The following MCCC2 variants were observed in gnomAD, a reference collection of about 807,000 sequenced individuals.
The protein encoded by MCCC2 is methylcrotonoyl-CoA carboxylase beta chain, mitochondrial.
Under a neutral mutation model 77.2 loss-of-function variants are expected in MCCC2, and 52 were observed. That is an observed-to-expected ratio of 0.67 (90% CI 0.54 to 0.85). The LOEUF is 0.85. Ranked by LOEUF, MCCC2 falls within the 40% of genes least tolerant of loss-of-function variation. The pLI is 0.00. For synonymous variants in MCCC2, 253 were observed against 248.4 expected (o/e 1.02, Z -0.18); for missense variants, 682 against 703.2 (o/e 0.97, Z 0.34).
At chr5:71,620,791 AG>A (rs1264430772) in intron 6 of MCCC2, among the ~76,000 whole-genome samples, 24 of 152,188 alleles carry the variant, frequency 1.6e-4, no homozygotes, top group Admixed American at 3.9e-4. Context: ...TGTTACTGTC[AG>A]GTATGTCTCA....
rs1246129715 is a variant in MCCC2 at position 71,643,892 on chromosome 5, A to G, written c.1146A>G (p.Lys382=). 6.2e-7 allele frequency: 1 copy of G among 1,614,060 alleles called. No homozygotes were observed. Among genetic ancestry groups the G allele is most frequent in the Non-Finnish European group, 8.5e-7 (1 of 1,179,986 alleles). The change falls in exon 12 of 17, where the codon AAA becomes AAG. Residue 382 remains lysine, a synonymous_variant. Coordinates refer to ENST00000340941, the MANE Select transcript of MCCC2 (RefSeq NM_022132.5). Reference sequence around the variant, plus strand: ...GAGTTCTCTTTTCTGAATCTGCAAAAAAGGCAAGTACTGTTAAAAATATTT... The same window carrying G: ...GAGTTCTCTTTTCTGAATCTGCAAAGAAGGCAAGTACTGTTAAAAATATTT... ...NNGVLFSESA[K]KGTHFVQLCC...
At chr5:71,617,536 A>G (rs1296269685) in intron 6 of MCCC2, among the ~76,000 whole-genome samples, 1 of 152,188 alleles carries the variant, frequency 6.6e-6, no homozygotes, top group African/African-American at 2.4e-5. Flanking sequence ...TATAACTATT[A>G]AAGTTGTAAT....
chr5:71,642,250 TGGG>T (rs1747141321), intron 11 of MCCC2, among the ~76,000 whole-genome samples: 1 of 83,062 alleles, frequency 1.2e-5, no homozygotes, highest in African/African-American at 4.9e-5. Context: ...TGGTGGGAGT[TGGG>T]GGTGGGGGTG....
intron 3 of MCCC2, among the ~76,000 whole-genome samples, chr5:71,596,903 G>T (rs921989871): frequency 6.6e-6 from 1 of 151,832 alleles, no homozygotes; most frequent in Non-Finnish European, 1.5e-5. Context: ...TTGTGCCACT[G>T]CACTCCAGCC....
intron 1 of MCCC2, among the ~76,000 whole-genome samples, chr5:71,588,889 G>C (rs1430169548): frequency 6.6e-6 from 1 of 152,090 alleles, no homozygotes; most frequent in Non-Finnish European, 1.5e-5. Context: ...CCAGATAGAG[G>C]AGGATCTTCC....
intron 4 of MCCC2, among the ~76,000 whole-genome samples, chr5:71,600,765 A>G (rs1008144618): frequency 6.6e-6 from 1 of 152,128 alleles, no homozygotes; most frequent in Non-Finnish European, 1.5e-5. Flanking sequence ...TGGGAGCTCA[A>G]ATGGTCTTAG....
rs1228277424 is a variant in MCCC2, at chr5:71,602,513, T to G, written c.391T>G (p.Cys131Gly). 2 of 1,614,190 alleles carry G rather than the reference T, an allele frequency of 1.2e-6. No homozygotes were observed. Among genetic ancestry groups the G allele is most frequent in the Non-Finnish European group, 1.7e-6 (2 of 1,180,028 alleles). ...GAAATTTCTGCCTTTCAGAGTAGAATGCATGATTATTGCCAATGATGCCAC... is the reference window on the plus strand; with the variant it reads ...GAAATTTCTGCCTTTCAGAGTAGAAGGCATGATTATTGCCAATGATGCCAC... ...TGIGRVSGVE[C>G]MIIANDATVK... Residue 131 changes from cysteine to glycine, a missense_variant, in exon 5 of 17, where the codon TGC becomes GGC. Cys to Gly is a radical substitution (Grantham distance 159, BLOSUM62 -3). Transcript: ENST00000340941.
chr5:71,615,712 T>G (rs1339977973), intron 6 of MCCC2, among the ~76,000 whole-genome samples: 1 of 152,168 alleles, frequency 6.6e-6, no homozygotes, highest in Non-Finnish European at 1.5e-5. Context: ...TGTTCCAATA[T>G]TTGGTGTCTG....
chr5:71,634,687 A>G (rs1746855941), intron 8 of MCCC2, among the ~76,000 whole-genome samples: 1 of 152,152 alleles, frequency 6.6e-6, no homozygotes, highest in Non-Finnish European at 1.5e-5. Flanking sequence ...TTATGTAGCT[A>G]CTTGTGGTCT....
intron 6 of MCCC2, among the ~76,000 whole-genome samples, chr5:71,619,589 A>G (rs1381128930): frequency 6.6e-6 from 1 of 151,152 alleles, no homozygotes; most frequent in African/African-American, 2.4e-5. Flanking sequence ...TTTTCGGGAC[A>G]GGTCTCTTTA....
intron 10 of MCCC2, among the ~76,000 whole-genome samples, chr5:71,636,891 C>G (rs1327902987): frequency 6.6e-6 from 1 of 151,398 alleles, no homozygotes; most frequent in South Asian, 2.1e-4. Flanking sequence ...TTACAGGCAC[C>G]CGCCACCATA....
At chr5:71,637,033 C>G (rs1352884144) in intron 10 of MCCC2, among the ~76,000 whole-genome samples, 1 of 152,038 alleles carries the variant, frequency 6.6e-6, no homozygotes, top group Admixed American at 6.5e-5. Context: ...TGTGAGCCAC[C>G]ACACCTGGCC....
intron 1 of MCCC2, among the ~76,000 whole-genome samples, chr5:71,588,007 G>A (rs1744829859): frequency 6.6e-6 from 1 of 152,168 alleles, no homozygotes; most frequent in Non-Finnish European, 1.5e-5. Context: ...AGTGGCTCAC[G>A]CCTGTAATCC....
In MCCC2 at chr5:71,632,121, G is replaced by A; in HGVS notation, c.739G>A (p.Val247Ile). ...GTIFLAGPPL[V>I]KAATGEEVSA... is the part of the protein sequence containing the mutation. ...CTGATGATTTTTATCCTTGTTGTAG[G>A]TTAAAGCGGCAACTGGGGAAGAAGT... Residue 247 changes from valine (V) to isoleucine (I), a missense_variant and splice_region_variant, in exon 8 of 17, where the codon GTT becomes ATT. Transcript: ENST00000340941. 1 of 1,614,118 alleles carries A rather than the reference G, an allele frequency of 6.2e-7. No homozygotes were observed. Among genetic ancestry groups the A allele is most frequent in the East Asian group, 2.2e-5 (1 of 44,884 alleles).
chr5:71,650,301 C>T (rs1747401987), intron 15 of MCCC2, 118 bp downstream of exon 15: 6 of 760,814 alleles, frequency 7.9e-6, no homozygotes, highest in South Asian at 1.4e-5. Flanking sequence ...CTGGCGCACA[C>T]TGCCTGGCCA....
chr5:71,649,344 A>G (rs187975758), intron 14 of MCCC2, 91 bp downstream of exon 14: 71 of 1,239,546 alleles, frequency 5.7e-5, no homozygotes, highest in Non-Finnish European at 7.5e-5. Flanking sequence ...GAAATATAGA[A>G]TGCCATTCCC....
chr5:71,646,156 G>C (rs1580329515), intron 12 of MCCC2, 55 bp from the exon 13 acceptor site: 1 of 1,442,152 alleles, frequency 6.9e-7, no homozygotes, highest in Non-Finnish European at 9.7e-7. Flanking sequence ...TAGAATGCAT[G>C]ATGATAATAG....
chr5:71,638,843 A>G (rs897583117), intron 10 of MCCC2, among the ~76,000 whole-genome samples: 5 of 152,320 alleles, frequency 3.3e-5, no homozygotes, highest in African/African-American at 1.2e-4. Context: ...TTCTTAAATA[A>G]TAAGACTTAA....
At chr5:71,595,631 A>G (rs1032726096) in intron 2 of MCCC2, among the ~76,000 whole-genome samples, 2 of 152,156 alleles carry the variant, frequency 1.3e-5, no homozygotes, top group Non-Finnish European at 2.9e-5. Flanking sequence ...TTCTTGCTCC[A>G]TTACCTTGGT....
Sources: gnomAD v4.1 joint callset for allele counts (sites outside exome capture counted in the v4.1 genomes callset) on GRCh38, gnomAD v4.1.1 for gene constraint, MANE v1.5 for transcripts, NCBI Gene and HGNC (gene_info 2026-07-23, HGNC 2026-07-21) for gene names.